Variants in LRRC43 observed in about 807,000 individuals in gnomAD.
LRRC43 encodes the protein leucine-rich repeat-containing protein 43.
Under a neutral mutation model 64.3 loss-of-function variants are expected in LRRC43, and 62 were observed. That is an observed-to-expected ratio of 0.96 (90% CI 0.79 to 1.19). The LOEUF (loss-of-function observed/expected upper bound fraction) is 1.19. Among genes scored for constraint, LRRC43 ranks in the 50% most tolerant of loss-of-function variants. The pLI, the probability that LRRC43 is intolerant of heterozygous loss-of-function variation, is 0.00. For missense variants in LRRC43, 868 were observed against 845.0 expected (o/e 1.03, Z -0.34); for synonymous variants, 422 against 382.3 (o/e 1.10, Z -1.21).
chr12:122,193,366 C>G (rs567513067), intron 7 of LRRC43, among the ~76,000 whole-genome samples: 4 of 119,272 alleles, frequency 3.4e-5, no homozygotes, highest in African/African-American at 1.3e-4. Context: ...GGCGACAGAG[C>G]GAGACTCCGT....
At position 122,184,425 on chromosome 12, in the gene LRRC43, T is replaced by G; in HGVS notation, c.151-94T>G. 1 of 1,452,264 alleles carries G rather than the reference T, an allele frequency of 6.9e-7. No individual in the cohort carries two copies. The highest frequency in any genetic ancestry group is 9.3e-7 in the Non-Finnish European group (1 of 1,078,134). The allele number at this position is 1,452,264 out of a possible 1,614,324, so 90.0% of individuals were successfully genotyped here. A position where few individuals can be genotyped will look rare whatever the true frequency, so the allele number is the denominator to read the frequency against. On this transcript the variant is annotated intron_variant, in intron 1 of 11. Transcript: ENST00000339777. The surrounding 1 kb of genome is among the most constrained non-coding windows in gnomAD (Gnocchi z 4.0). ...CTAGATTTCTAAACTCTATCCCTAATCGTCCAGTTTTATGATCTGTTCTGT... is the reference window on the plus strand; with the variant it reads ...CTAGATTTCTAAACTCTATCCCTAAGCGTCCAGTTTTATGATCTGTTCTGT...
In LRRC43 at chr12:122,200,985, T is replaced by G; in HGVS notation, c.1809+51T>G. The G allele has an allele frequency of 6.5e-7, 1 of 1,533,292 alleles. No homozygotes were observed. The highest frequency in any genetic ancestry group is 8.8e-7 in the Non-Finnish European group (1 of 1,141,918). The allele number at this position is 1,533,292 out of a possible 1,614,324, so 95.0% of individuals were successfully genotyped here. On this transcript the variant is annotated intron_variant, in intron 10 of 11. Transcript: ENST00000339777. This position sits in a 1 kb window ranked among gnomAD's most constrained non-coding sequence, Gnocchi z 4.6. The stretch of plus-strand genomic sequence containing the variant: ...TCCACCTCTGCCTTCGCCCTCCCCA[T>G]GGGAACCCCGCGGGCAAGCAAGGGC...
intron 1 of LRRC43, among the ~76,000 whole-genome samples, chr12:122,169,432 CT>C (rs1953465603): frequency 6.6e-6 from 1 of 152,028 alleles, no homozygotes. Context: ...AATTAGAATT[CT>C]AGTTGGGCGC....
At position 122,190,245 on chromosome 12, in the gene LRRC43, C is replaced by T. The variant is rs760533188; in HGVS notation, c.778C>T (p.Leu260=). 6.2e-7 allele frequency: 1 copy of T among 1,614,102 alleles called. No homozygotes were observed. Among genetic ancestry groups the T allele is most frequent in the African/African-American group, 1.3e-5 (1 of 74,940 alleles). ...ACTCCTGGTGCTGCAGGGAAACCCA[C>T]TGGCCTTGGTGCCCTACTACCGCGG... ...LRLLVLQGNP[L]ALVPYYRGLT... Residue 260 remains leucine, a synonymous_variant, in exon 5 of 12, where the codon CTG becomes TTG. Transcript: ENST00000339777.
chr12:122,179,814 CA>C (rs1290612527), upstream of LRRC43, among the ~76,000 whole-genome samples: 1 of 151,200 alleles, frequency 6.6e-6, no homozygotes, highest in Non-Finnish European at 1.5e-5. Context: ...ACTAAAAATA[CA>C]AAAAAATTAG....
intron 1 of LRRC43, among the ~76,000 whole-genome samples, chr12:122,171,377 G>A (rs114083794): frequency 1.5e-3 from 222 of 152,342 alleles, no homozygotes; most frequent in African/African-American, 5.0e-3. Context: ...TGCTCAATGA[G>A]TGTTTATTGC....
chr12:122,187,506 A>T, intron 3 of LRRC43, 195 bp from the exon 4 acceptor site: 2 of 547,568 alleles, frequency 3.7e-6, no homozygotes, highest in Non-Finnish European at 3.2e-6. Flanking sequence ...ACAAAAGGAA[A>T]AGAAACTTCC....
chr12:122,186,275 C>T lies in LRRC43; in HGVS notation c.497C>T (p.Ala166Val). 6.2e-7 allele frequency: 1 copy of T among 1,602,288 alleles called. No individual in the cohort carries two copies. The highest frequency in any genetic ancestry group is 8.5e-7 in the Non-Finnish European group (1 of 1,174,564). ...GCCAATCGAATCAAGGAGGTGGATG[C>T]CACCAATCTGCCCCCCACACTCAAG... is the stretch of plus-strand genomic sequence containing the variant. ...LSANRIKEVD[A>V]TNLPPTLKVL... Residue 166 changes from alanine (A) to valine (V), a missense_variant, in exon 3 of 12, where the codon GCC (alanine) becomes GTC (valine). Ala to Val is a moderately conservative substitution (Grantham distance 64, BLOSUM62 0). Coordinates refer to ENST00000339777, the MANE Select transcript of LRRC43 (RefSeq NM_001098519.2).
chr12:122,186,711 G>A (rs894989106), intron 3 of LRRC43, among the ~76,000 whole-genome samples: 1 of 152,212 alleles, frequency 6.6e-6, no homozygotes, highest in Admixed American at 6.5e-5. Flanking sequence ...CTGAGGTCAG[G>A]AGTTTGAGAC....
intron 1 of LRRC43, among the ~76,000 whole-genome samples, chr12:122,177,035 C>T (rs1953542253): frequency 6.6e-6 from 1 of 152,134 alleles, no homozygotes; most frequent in Admixed American, 6.6e-5. Context: ...TAATCAATAT[C>T]CTCTAGCAGA....
At chr12:122,186,961 G>T (rs1043660315) in intron 3 of LRRC43, among the ~76,000 whole-genome samples, 4 of 150,984 alleles carry the variant, frequency 2.6e-5, no homozygotes, top group Admixed American at 2.6e-4. Flanking sequence ...CTCATAGAAA[G>T]GAATGAAGTA....
intron 3 of LRRC43, 106 bp from the exon 4 acceptor site, chr12:122,187,595 T>A: frequency 1.1e-6 from 1 of 948,304 alleles, no homozygotes; most frequent in Non-Finnish European, 1.6e-6. Flanking sequence ...CAGGTGTGAG[T>A]AGTTTGTGAT....
Position 122,200,449 on chromosome 12 carries a change from C to A in LRRC43, c.1492-83C>A. The stretch of plus-strand genomic sequence containing the variant: ...CCCTGGTTAGATGAGTTCTCAGCGC[C>A]ATTCCAGAAAGGGTGAGGGAGAGGT... On this transcript the variant is annotated intron_variant, in intron 8 of 11. Transcript: ENST00000339777. The surrounding 1 kb of genome is among the most constrained non-coding windows in gnomAD (Gnocchi z 4.6). The A allele has an allele frequency of 6.2e-7, 1 of 1,610,660 alleles. No homozygotes were observed. Among genetic ancestry groups the A allele is most frequent in the Non-Finnish European group, 8.5e-7 (1 of 1,177,372 alleles).
intron 4 of LRRC43, 46 bp from the exon 5 acceptor site, chr12:122,190,084 G>A (rs1199271828): frequency 6.6e-7 from 1 of 1,525,316 alleles, no homozygotes; most frequent in Admixed American, 1.7e-5. Context: ...CTTGCCCCCT[G>A]CTCACCTGGC....
chr12:122,200,805 C>G lies in LRRC43; in HGVS notation c.1680C>G (p.Pro560=). 1.2e-6 allele frequency: 2 copies of G among 1,613,122 alleles called. No homozygotes were observed. Among genetic ancestry groups the G allele is most frequent in the Non-Finnish European group, 1.7e-6 (2 of 1,180,020 alleles). The part of the protein sequence containing the change: ...EPPKELRQDP[P]ILQVLGRGLV... ...CCAAGGAGCTCCGGCAGGACCCCCC[C>G]ATCCTCCAGGTGCTGGGCCGGGGCC... is the stretch of plus-strand genomic sequence containing the variant. The change falls in exon 10 of 12, where the codon CCC becomes CCG. Residue 560 remains proline, a synonymous_variant. Coordinates refer to ENST00000339777, the MANE Select transcript of LRRC43 (RefSeq NM_001098519.2). The surrounding 1 kb of genome is among the most constrained non-coding windows in gnomAD (Gnocchi z 4.6).
At chr12:122,196,814 G>T (rs1953777144) in intron 7 of LRRC43, among the ~76,000 whole-genome samples, 1 of 151,914 alleles carries the variant, frequency 6.6e-6, no homozygotes, top group African/African-American at 2.4e-5. Flanking sequence ...TGAGGGAAAT[G>T]AACAAACAGT....
chr12:122,201,207 G>C, intron 10 of LRRC43, 89 bp from the exon 11 acceptor site: 4 of 1,329,276 alleles, frequency 3.0e-6, no homozygotes, highest in Non-Finnish European at 4.3e-6. Flanking sequence ...ACCTGTCAGA[G>C]CCTTGGAGGA....
intron 11 of LRRC43, among the ~76,000 whole-genome samples, chr12:122,203,005 C>G (rs181043502): frequency 6.6e-6 from 1 of 152,226 alleles, no homozygotes; most frequent in Admixed American, 6.5e-5. Flanking sequence ...GCAGGAGAAT[C>G]GCTTGAACCT....
chr12:122,184,477 GC>G lies in LRRC43; in HGVS notation c.151-41del. 1.2e-6 allele frequency: 2 copies of G among 1,601,196 alleles called. No individual in the cohort carries two copies. Among genetic ancestry groups the G allele is most frequent in the South Asian group, 2.2e-5 (2 of 89,192 alleles). On this transcript the variant is annotated intron_variant, in intron 1 of 11. Transcript: ENST00000339777. The surrounding 1 kb of genome is among the most constrained non-coding windows in gnomAD (Gnocchi z 4.0). ...TTGAGAGTTTGGTGTCCTTAAGGGG[GC>G]TGTGTCACACCTACAGAAAATCCCT...
Sources: allele counts gnomAD v4.1 joint callset (sites outside exome capture counted in the v4.1 genomes callset), GRCh38; gene constraint gnomAD v4.1.1; non-coding constraint Gnocchi (gnomAD v3.1); transcripts MANE v1.5; gene names NCBI Gene and HGNC (gene_info 2026-07-23, HGNC 2026-07-21).